DRAP1: variants seen among roughly 807,000 people sequenced by gnomAD.
DRAP1 encodes the protein DR1 associated protein 1, also known as dr1-associated corepressor.
In DRAP1, 10 loss-of-function variants were observed where a neutral mutation model predicts 24.1. That is an observed-to-expected ratio of 0.41 (90% CI 0.26 to 0.70). The LOEUF is 0.70. Among genes scored for constraint, DRAP1 ranks in the 30% least tolerant of loss-of-function variants. DRAP1 has a pLI of 0.29. For missense variants in DRAP1, 264 were observed against 275.6 expected (o/e 0.96, Z 0.30); for synonymous variants, 122 against 113.8 (o/e 1.07, Z -0.46).
In DRAP1 at chr11:65,919,514, A is replaced by G; in HGVS notation, c.13A>G (p.Lys5Glu). 6.5e-7 allele frequency: 1 copy of G among 1,543,788 alleles called. No individual in the cohort carries two copies. The highest frequency in any genetic ancestry group is 2.5e-5 in the East Asian group (1 of 39,972). The change falls in exon 1 of 7, where the codon AAG (lysine) becomes GAG (glutamate). Residue 5 changes from lysine to glutamate, a missense_variant. By Grantham distance (56) the Lys-to-Glu change is moderately conservative. Transcript: ENST00000312515. ...GAGAGGCCCCGAGATGCCGAGCAAGAAGAAGAAGTACAACGCGCGGTTCCC... is the reference window on the plus strand; with the variant it reads ...GAGAGGCCCCGAGATGCCGAGCAAGGAGAAGAAGTACAACGCGCGGTTCCC... MPSK[K>E]KKYNARFPPA... is the part of the protein sequence containing the mutation.
Position 65,919,956 on chromosome 11 carries a change from C to T in DRAP1, c.124C>T (p.Leu42Phe). 1.2e-6 allele frequency: 2 copies of T among 1,613,840 alleles called. No homozygotes were observed. Among genetic ancestry groups the T allele is most frequent in the Non-Finnish European group, 1.7e-6 (2 of 1,179,914 alleles). ...TCCTTGACGCTCCTCAGCCCGGGCG[C>T]TCGAGCTCTTCCTAGAGTCGCTGTT... ...AAVPVIISRA[L>F]ELFLESLLKK... Residue 42 changes from leucine to phenylalanine, a missense_variant, in exon 3 of 7, where the codon CTC becomes TTC. This residue lies in a region of DRAP1 where 243 missense variants were observed against 233.6 expected (regional missense o/e 1.04). Coordinates refer to ENST00000312515, the MANE Select transcript of DRAP1 (RefSeq NM_006442.4).
At position 65,919,516 on chromosome 11, in the gene DRAP1, G is replaced by A. The variant is rs1248114984; in HGVS notation, c.15G>A (p.Lys5=). The change falls in exon 1 of 7, where the codon AAG becomes AAA. Residue 5 remains lysine (K), a synonymous_variant. Coordinates refer to ENST00000312515, the MANE Select transcript of DRAP1 (RefSeq NM_006442.4). MPSK[K]KKYNARFPPA... ...GAGGCCCCGAGATGCCGAGCAAGAAGAAGAAGTACAACGCGCGGTTCCCGC... is the reference window on the plus strand; with the variant it reads ...GAGGCCCCGAGATGCCGAGCAAGAAAAAGAAGTACAACGCGCGGTTCCCGC... 1 of 1,545,324 alleles carries A rather than the reference G, an allele frequency of 6.5e-7. No homozygotes were observed. The highest frequency in any genetic ancestry group is 8.7e-7 in the Non-Finnish European group (1 of 1,144,952).
chr11:65,920,776 C>A, intron 5 of DRAP1, 108 bp from the exon 6 acceptor site: 1 of 1,461,096 alleles, frequency 6.8e-7, no homozygotes, highest in Non-Finnish European at 9.2e-7. Flanking sequence ...TGTTTGCTCA[C>A]TGGTTTATTT....
In DRAP1 at chr11:65,921,319, C is replaced by T; in HGVS notation, c.513-11C>T. ...CTCAGGCCTGACTCTCTCCTGCCTT[C>T]TGCCCTGCAGCCCCCCGACACCCTT... is the stretch of plus-strand genomic sequence containing the variant. On this transcript the variant is annotated splice_polypyrimidine_tract_variant and intron_variant, in intron 6 of 6. Coordinates refer to ENST00000312515, the MANE Select transcript of DRAP1 (RefSeq NM_006442.4). 1 of 1,564,266 alleles carries T rather than the reference C, an allele frequency of 6.4e-7. No homozygotes were observed. Among genetic ancestry groups the T allele is most frequent in the Non-Finnish European group, 8.8e-7 (1 of 1,136,446 alleles).
intron 4 of DRAP1, 35 bp downstream of exon 4, chr11:65,920,497 C>T (rs997308757): frequency 3.1e-6 from 5 of 1,612,944 alleles, no homozygotes; most frequent in Admixed American, 3.3e-5. Context: ...TGGGGAAGGC[C>T]AAGGCCACAG....
chr11:65,919,794 G>A lies in DRAP1; in HGVS notation c.57G>A (p.Lys19=), dbSNP rs759839980. 18 of 1,613,104 alleles carry A rather than the reference G, an allele frequency of 1.1e-5. No homozygotes were observed. Among genetic ancestry groups the A allele is most frequent in the Non-Finnish European group, 1.4e-5 (17 of 1,179,948 alleles). Residue 19 remains lysine, a synonymous_variant, in exon 2 of 7, where the codon AAG becomes AAA. Coordinates refer to ENST00000312515, the MANE Select transcript of DRAP1 (RefSeq NM_006442.4). ...NARFPPARIK[K]IMQTDEEIGK... ...CCCACCCGCAGGCGCGGATCAAGAA[G>A]ATCATGCAGACGGACGAAGAGATTG...
chr11:65,919,540 G>T lies in DRAP1; in HGVS notation c.39G>T (p.Pro13=), dbSNP rs112677209. The T allele has an allele frequency of 6.9e-5, 107 of 1,547,400 alleles. 1 individual carries two copies. The African/African-American group carries it at 1.2e-3, about 17-fold the overall frequency. ...AGAAGAAGTACAACGCGCGGTTCCC[G>T]CCGGTGAGCACGTGGCAGAGCCCGG... is the stretch of plus-strand genomic sequence containing the variant. The part of the protein sequence containing the change: ...SKKKKYNARF[P]PARIKKIMQT... The change falls in exon 1 of 7, where the codon CCG becomes CCT. Residue 13 remains proline, a synonymous_variant. Coordinates refer to ENST00000312515, the MANE Select transcript of DRAP1 (RefSeq NM_006442.4).
rs1854518634 is a variant in DRAP1, at chr11:65,919,467, G to A, written c.-35G>A. On this transcript the variant is annotated 5_prime_UTR_variant, in exon 1 of 7. Transcript: ENST00000312515. ...CGGGAGCCGGGAGGCTGCGGGCGGC[G>A]GCGCTGGACCCGACGCGGCGAGAGA... is the stretch of plus-strand genomic sequence containing the variant. 1.3e-5 allele frequency: 19 copies of A among 1,514,964 alleles called. No homozygotes were observed. Among genetic ancestry groups the A allele is most frequent in the East Asian group, 2.8e-5 (1 of 36,028 alleles). 93.8% of individuals were successfully genotyped at this position (1,514,964 alleles called of 1,614,324 possible).
chr11:65,919,637 G>A, intron 1 of DRAP1, 94 bp downstream of exon 1: 2 of 1,534,040 alleles, frequency 1.3e-6, no homozygotes, highest in Non-Finnish European at 1.8e-6. Context: ...CGCGGTGTTC[G>A]GGGGCCTGGA....
Position 65,919,549 on chromosome 11 carries a change from C to T in DRAP1, c.42+6C>T. The T allele has an allele frequency of 6.5e-7, 1 of 1,548,170 alleles. No individual in the cohort carries two copies. The highest frequency in any genetic ancestry group is 2.5e-5 in the East Asian group (1 of 40,626). On this transcript the variant is annotated splice_donor_region_variant and intron_variant, in intron 1 of 6. Coordinates refer to ENST00000312515, the MANE Select transcript of DRAP1 (RefSeq NM_006442.4). ...ACAACGCGCGGTTCCCGCCGGTGAG[C>T]ACGTGGCAGAGCCCGGCAGGAGTGG...
intron 3 of DRAP1, 45 bp downstream of exon 3, chr11:65,920,086 G>T: frequency 6.3e-7 from 1 of 1,595,758 alleles, no homozygotes; most frequent in Non-Finnish European, 8.5e-7. Flanking sequence ...TTGGCGCGGG[G>T]AGTTCACACA....
chr11:65,920,542 G>C, intron 4 of DRAP1, 27 bp from the exon 5 acceptor site: 1 of 1,606,922 alleles, frequency 6.2e-7, no homozygotes, highest in Non-Finnish European at 8.5e-7. Flanking sequence ...GGAGCACTCC[G>C]GGCAGATGGA....
rs373935228 is a variant in DRAP1, at chr11:65,919,769, C to T, written c.43-11C>T. ...GGCGACGGGGTCTGAACTCTGCTCC[C>T]CCACCCGCAGGCGCGGATCAAGAAG... On this transcript the variant is annotated splice_polypyrimidine_tract_variant and intron_variant, in intron 1 of 6. Transcript: ENST00000312515. The T allele has an allele frequency of 2.5e-6, 4 of 1,613,000 alleles. No individual in the cohort carries two copies. The highest frequency in any genetic ancestry group is 3.4e-6 in the Non-Finnish European group (4 of 1,179,944).
At chr11:65,921,177 C>G in intron 6 of DRAP1, 153 bp from the exon 7 acceptor site, 1 of 689,896 alleles carries the variant, frequency 1.4e-6, no homozygotes, top group Non-Finnish European at 2.4e-6. Context: ...GGGGCCTGGG[C>G]CTGCCCTGCG....
In DRAP1 at chr11:65,919,543, G is replaced by T. The variant is rs772845646; in HGVS notation, c.42G>T (p.Pro14=). Residue 14 remains proline, a splice_region_variant and synonymous_variant, in exon 1 of 7, where the codon CCG becomes CCT. Coordinates refer to ENST00000312515, the MANE Select transcript of DRAP1 (RefSeq NM_006442.4). ...KKKKYNARFP[P]ARIKKIMQTD... ...AGAAGTACAACGCGCGGTTCCCGCCGGTGAGCACGTGGCAGAGCCCGGCAG... is the reference window on the plus strand; with the variant it reads ...AGAAGTACAACGCGCGGTTCCCGCCTGTGAGCACGTGGCAGAGCCCGGCAG... The T allele has an allele frequency of 2.6e-6, 4 of 1,547,682 alleles. No individual in the cohort carries two copies. Among genetic ancestry groups the T allele is most frequent in the South Asian group, 2.4e-5 (2 of 83,984 alleles).
In DRAP1 at chr11:65,921,414, CGAA is replaced by C. The variant is rs1565298765; in HGVS notation, c.603_605del (p.Glu201del). On this transcript the variant is annotated inframe_deletion, in exon 7 of 7. Coordinates refer to ENST00000312515, the MANE Select transcript of DRAP1 (RefSeq NM_006442.4). ...GCCCCTCAGCACCTGATGAAGAGGA[CGAA>C]GAAGATTACGACTCCTAGCGCCTTC... is the stretch of plus-strand genomic sequence containing the variant. 2.5e-6 allele frequency: 4 copies of C among 1,608,432 alleles called. No homozygotes were observed. The highest frequency in any genetic ancestry group is 2.2e-5 in the East Asian group (1 of 44,836).
At position 65,920,388 on chromosome 11, in the gene DRAP1, C is replaced by G; in HGVS notation, c.255C>G (p.Asp85Glu). 1 of 1,614,136 alleles carries G rather than the reference C, an allele frequency of 6.2e-7. No individual in the cohort carries two copies. Among genetic ancestry groups the G allele is most frequent in the Non-Finnish European group, 8.5e-7 (1 of 1,180,036 alleles). Residue 85 changes from aspartate (D) to glutamate (E), a missense_variant, in exon 4 of 7, where the codon GAC becomes GAG. Physicochemically the swap from Asp to Glu is conservative, Grantham distance 45 (BLOSUM62 2). Coordinates refer to ENST00000312515, the MANE Select transcript of DRAP1 (RefSeq NM_006442.4). ...ELEQQFDFLK[D>E]LVASVPDMQG... ...AGCAGCAGTTTGACTTCTTGAAGGA[C>G]CTGGTGGCATCTGTTCCCGACATGC... is the stretch of plus-strand genomic sequence containing the variant.
At position 65,921,212 on chromosome 11, in the gene DRAP1, A is replaced by C. The variant is rs530629478; in HGVS notation, c.513-118A>C. 8.4e-6 allele frequency: 6 copies of C among 716,316 alleles called. No homozygotes were observed. The Admixed American group carries it at 1.4e-4, about 16-fold the overall frequency. 44.4% of individuals were successfully genotyped at this position (716,316 alleles called of 1,614,324 possible). ...GTGAGCTGCCCTGGGCCTTGGCCGC[A>C]TGGATCTGGAGGGTGGTGGTGGGAG... On this transcript the variant is annotated intron_variant, in intron 6 of 6. Coordinates refer to ENST00000312515, the MANE Select transcript of DRAP1 (RefSeq NM_006442.4).
chr11:65,920,262 C>T, intron 3 of DRAP1, 81 bp from the exon 4 acceptor site: 1 of 1,594,650 alleles, frequency 6.3e-7, no homozygotes, highest in South Asian at 1.1e-5. Context: ...AGCCTGACAT[C>T]TGGGGCCCCT....
Sources: allele counts gnomAD v4.1 joint callset, GRCh38; gene constraint gnomAD v4.1.1; regional missense constraint gnomAD v4.1.1; transcripts MANE v1.5; gene names NCBI Gene and HGNC (gene_info 2026-07-23, HGNC 2026-07-21).